PPID: variants seen among roughly 807,000 people sequenced by gnomAD.
PPID encodes peptidyl-prolyl cis-trans isomerase D.
A neutral mutation model predicts 48.1 loss-of-function variants in PPID; 47 were observed. The observed-to-expected ratio is 0.98, with a 90% CI of 0.77 to 1.25. The LOEUF is 1.25. Among genes scored for constraint, PPID ranks in the 50% most tolerant of loss-of-function variants. PPID has a pLI of 0.00. For synonymous variants in PPID, 163 were observed against 148.8 expected, an observed-to-expected ratio of 1.10 and a Z score of -0.69; for missense variants, 429 against 443.5, an observed-to-expected ratio of 0.97 and a Z score of 0.29.
At position 158,717,162 on chromosome 4, in the gene PPID, GC is replaced by G; in HGVS notation, c.371del (p.Gly124AlafsTer29). On this transcript the variant is annotated frameshift_variant, in exon 4 of 10. Transcript: ENST00000307720. LOFTEE classifies it high-confidence loss of function. ...REGLLSMANA[G>X]RNTNGSQFFI... ...AAAACTGAGAACCGTTTGTGTTGCG[GC>G]CTGCATTTGCCATGCTCAGTAAACC... 1 of 1,614,052 alleles carries G rather than the reference GC, an allele frequency of 6.2e-7. No homozygotes were observed.
intron 6 of PPID, among the ~76,000 whole-genome samples, chr4:158,714,981 C>T (rs774744777): frequency 2.0e-5 from 3 of 152,144 alleles, no homozygotes; most frequent in Admixed American, 6.5e-5. Flanking sequence ...TTAGGAAATA[C>T]GTGCTGAAAT....
rs368795879 is a variant in PPID at position 158,719,176 on chromosome 4, T to C, written c.333+4A>G. ...AGCAATAACATGCATTTTCTCTACT[T>C]TACCTTGTAATGGAAATTTTCATCT... On this transcript the variant is annotated splice_donor_region_variant and intron_variant, in intron 3 of 9. Transcript: ENST00000307720. 21 of 1,548,052 alleles carry C rather than the reference T, an allele frequency of 1.4e-5. No homozygotes were observed. The Admixed American group carries it at 1.8e-4, about 14-fold the overall frequency.
intron 9 of PPID, 22 bp from the exon 10 acceptor site, chr4:158,709,846 TGA>T (rs758193364): frequency 3.0e-5 from 47 of 1,561,924 alleles, no homozygotes; most frequent in Non-Finnish European, 3.6e-5. Context: ...ATATGCAATG[TGA>T]GTTATTTCTC....
intron 7 of PPID, among the ~76,000 whole-genome samples, chr4:158,711,885 C>T (rs1344515932): frequency 3.9e-5 from 6 of 151,906 alleles, no homozygotes; most frequent in East Asian, 1.9e-4. Context: ...GAGGATCACC[C>T]GAGCCCAGGA....
Position 158,713,157 on chromosome 4 carries a change from TC to T in PPID, c.855del (p.Met286CysfsTer12). On this transcript the variant is annotated frameshift_variant, in exon 7 of 10. Transcript: ENST00000307720. LOFTEE classifies it high-confidence loss of function. ...TCAATTGCTCCCTGCCAATTTGACA[TC>T]TTCAGTTTACAAGCACCAATATTCA... ...CVLNIGACKL[K>X]MSNWQGAIDS... 4 of 1,614,114 alleles carry T rather than the reference TC, an allele frequency of 2.5e-6. No homozygotes were observed. Among genetic ancestry groups the T allele is most frequent in the Non-Finnish European group, 3.4e-6 (4 of 1,180,002 alleles).
chr4:158,715,563 T>A lies in PPID; in HGVS notation c.644A>T (p.Asp215Val). Reference protein sequence around the residue: ...FPEDADIDLKDVDKILLITED... With the variant: ...FPEDADIDLKVVDKILLITED... ...TTTGACTAATCTGAAAGTACTCACATCTTTTAAATCTATATCCGCATCCTC... is the reference window on the plus strand; with the variant it reads ...TTTGACTAATCTGAAAGTACTCACAACTTTTAAATCTATATCCGCATCCTC... The change falls in exon 5 of 10, where the codon GAT (aspartate) becomes GTT (valine). Residue 215 changes from aspartate (D) to valine (V), a missense_variant and splice_region_variant. Transcript: ENST00000307720. 4.3e-6 allele frequency: 7 copies of A among 1,613,854 alleles called. No individual in the cohort carries two copies. Among genetic ancestry groups the A allele is most frequent in the Non-Finnish European group, 5.9e-6 (7 of 1,179,756 alleles).
chr4:158,714,629 C>T (rs1352994647), intron 6 of PPID, among the ~76,000 whole-genome samples: 5 of 149,562 alleles, frequency 3.3e-5, no homozygotes, highest in African/African-American at 9.9e-5. Context: ...CTCACTCTGT[C>T]GCCCAGGCTG....
intron 2 of PPID, 132 bp downstream of exon 2, chr4:158,721,211 T>A: frequency 9.3e-7 from 1 of 1,077,902 alleles, no homozygotes; most frequent in Non-Finnish European, 1.3e-6. Flanking sequence ...CGAAACTGCG[T>A]TACTGCCTCA....
At chr4:158,713,764 T>C (rs12504643) in intron 6 of PPID, among the ~76,000 whole-genome samples, 88,031 of 132,390 alleles carry the variant, frequency 0.66, 29,398 homozygotes, top group East Asian at 0.88. Context: ...GAAAGTAAGG[T>C]AAGATGAGCT....
chr4:158,712,974 G>T, intron 7 of PPID, 145 bp downstream of exon 7: 1 of 803,906 alleles, frequency 1.2e-6, no homozygotes. Flanking sequence ...AGAACTGAGG[G>T]TCCAAAATAT....
At chr4:158,717,301 G>T in intron 3 of PPID, 101 bp from the exon 4 acceptor site, 1 of 1,050,530 alleles carries the variant, frequency 9.5e-7, no homozygotes, top group Non-Finnish European at 1.3e-6. Context: ...AAACTGGGGT[G>T]CACTATACTA....
intron 1 of PPID, among the ~76,000 whole-genome samples, chr4:158,722,433 T>A (rs1458515664): frequency 1.3e-5 from 2 of 152,248 alleles, no homozygotes; most frequent in Non-Finnish European, 2.9e-5. Context: ...AGATAGCAGC[T>A]AAGACAGGTG....
At chr4:158,710,542 TA>T in intron 9 of PPID, 85 bp downstream of exon 9, 2 of 1,440,898 alleles carry the variant, frequency 1.4e-6, no homozygotes, top group Non-Finnish European at 1.9e-6. Context: ...AACAAACATC[TA>T]AAATCTGGCA....
At chr4:158,717,248 T>C (rs1320895692) in intron 3 of PPID, 48 bp from the exon 4 acceptor site, 1 of 1,535,354 alleles carries the variant, frequency 6.5e-7, no homozygotes, top group African/African-American at 1.4e-5. Flanking sequence ...TGTGTTCTTT[T>C]CTGAATTGTG....
Position 158,713,109 on chromosome 4 carries a change from A to C in PPID, c.894+10T>G. 6.2e-7 allele frequency: 1 copy of C among 1,613,784 alleles called. No individual in the cohort carries two copies. On this transcript the variant is annotated intron_variant, in intron 7 of 9. Transcript: ENST00000307720. ...ACTTATTCAAAAAGTTCAAAATCAA[A>C]CAGACTTACCTCTAAACAACTGTCA... is the stretch of plus-strand genomic sequence containing the variant.
chr4:158,715,151 TG>T, intron 6 of PPID, 145 bp downstream of exon 6: 1 of 501,262 alleles, frequency 2.0e-6, no homozygotes, highest in South Asian at 4.2e-5. Context: ...CAAAACAAGC[TG>T]AGGGGAAAAA....
Position 158,709,718 on chromosome 4 carries a change from A to G in PPID, c.*18T>C. 6.5e-7 allele frequency: 1 copy of G among 1,547,678 alleles called. No individual in the cohort carries two copies. The highest frequency in any genetic ancestry group is 8.9e-7 in the Non-Finnish European group (1 of 1,124,106). ...GCATTTATACAATCAACACACAATA[A>G]GCAAAACTGAATCCTTTCTAAGCAA... On this transcript the variant is annotated 3_prime_UTR_variant, in exon 10 of 10. Coordinates refer to ENST00000307720, the MANE Select transcript of PPID (RefSeq NM_005038.3).
At position 158,711,425 on chromosome 4, in the gene PPID, T is replaced by C. The variant is rs577509354; in HGVS notation, c.895-577A>G. 4.6e-5 allele frequency among the ~76,000 whole-genome samples: 7 copies of C among 151,614 alleles called. No individual in the cohort carries two copies. The South Asian group carries it at 1.3e-3, about 27-fold the overall frequency. On this transcript the variant is annotated intron_variant, in intron 7 of 9. Coordinates refer to ENST00000307720, the MANE Select transcript of PPID (RefSeq NM_005038.3). The stretch of plus-strand genomic sequence containing the variant: ...TTTTTTTAGAGACAGGGTTTCACCA[T>C]GTTGCCCAGGCTGGTTTCAAACTCC...
intron 3 of PPID, among the ~76,000 whole-genome samples, chr4:158,718,410 T>A (rs1020203472): frequency 1.3e-5 from 2 of 152,264 alleles, no homozygotes; most frequent in African/African-American, 4.8e-5. Flanking sequence ...AGCAATGTTA[T>A]ACAAGCAAGG....
Sources: gnomAD v4.1 joint callset for allele counts (sites outside exome capture counted in the v4.1 genomes callset) on GRCh38, gnomAD v4.1.1 for gene constraint, MANE v1.5 for transcripts, NCBI Gene and HGNC (gene_info 2026-07-23, HGNC 2026-07-21) for gene names.